The following CTNNA3 variants were observed in gnomAD, a reference collection of about 807,000 sequenced individuals.
CTNNA3 encodes the protein catenin alpha 3.
CTNNA3 carries 76 observed loss-of-function variants against 95.7 expected under a neutral mutation model. The observed-to-expected ratio is 0.79, with a 90% CI of 0.66 to 0.96. CTNNA3 has a LOEUF of 0.96. Ranked by LOEUF, CTNNA3 falls within the 40% of genes least tolerant of loss-of-function variation. The pLI, the probability that CTNNA3 is intolerant of heterozygous loss-of-function variation, is 0.00. For missense variants in CTNNA3, 1,191 were observed against 1,089.8 expected, an observed-to-expected ratio of 1.09 and a Z score of -1.31; for synonymous variants, 431 against 374.4, an observed-to-expected ratio of 1.15 and a Z score of -1.74.
chr10:67,735,142 CACAA>C (rs745809812), intron 1 of CTNNA3, among the ~76,000 whole-genome samples: 7,454 of 91,536 alleles, frequency 0.081, 349 homozygotes, highest in African/African-American at 0.23. Flanking sequence ...CACACACACA[CACAA>C]ACACACACAC....
chr10:67,695,472 T>G (rs1199948069), intron 1 of CTNNA3, among the ~76,000 whole-genome samples: 1 of 152,218 alleles, frequency 6.6e-6, no homozygotes, highest in Non-Finnish European at 1.5e-5. Context: ...ATCAAACAGT[T>G]CTGAGAGCAT....
At chr10:66,192,231 G>C (rs7070264) in intron 13 of CTNNA3, among the ~76,000 whole-genome samples, 21,426 of 151,842 alleles carry the variant, frequency 0.14, 2,474 homozygotes, top group African/African-American at 0.32. Flanking sequence ...ACACTCCCCC[G>C]CCAGCAGAAC....
intron 2 of CTNNA3, among the ~76,000 whole-genome samples, chr10:67,642,614 A>G (rs73270136): frequency 0.13 from 20,160 of 151,954 alleles, 2,400 homozygotes; most frequent in African/African-American, 0.32. Flanking sequence ...GCTACCAGGA[A>G]GCTGATGCAG....
chr10:67,108,902 C>A (rs2131964641), intron 7 of CTNNA3, among the ~76,000 whole-genome samples: 1 of 152,052 alleles, frequency 6.6e-6, no homozygotes, highest in South Asian at 2.1e-4. Context: ...CAAATTAATC[C>A]TCAAATGAAA....
chr10:67,364,319 T>C (rs908963824), intron 5 of CTNNA3, among the ~76,000 whole-genome samples: 84 of 152,124 alleles, frequency 5.5e-4, no homozygotes, highest in Non-Finnish European at 7.1e-4. Flanking sequence ...ATTGATGGAA[T>C]GTATCTCATA....
At chr10:67,381,727 T>C (rs1843953957) in intron 5 of CTNNA3, among the ~76,000 whole-genome samples, 1 of 152,212 alleles carries the variant, frequency 6.6e-6, no homozygotes, top group African/African-American at 2.4e-5. Flanking sequence ...ATACTCCATT[T>C]CTATATAGGC....
chr10:67,010,747 T>C (rs955057849), intron 7 of CTNNA3, among the ~76,000 whole-genome samples: 1 of 152,182 alleles, frequency 6.6e-6, no homozygotes, highest in African/African-American at 2.4e-5. Context: ...ACCAACAATG[T>C]TTGCCATACC....
At chr10:66,709,419 G>A (rs1564632179) in intron 9 of CTNNA3, among the ~76,000 whole-genome samples, 1 of 152,030 alleles carries the variant, frequency 6.6e-6, no homozygotes, top group Non-Finnish European at 1.5e-5. Context: ...AATGTCAGAT[G>A]AAATGGAAGC....
At chr10:67,230,538 G>A (rs770293362) in intron 5 of CTNNA3, among the ~76,000 whole-genome samples, 9 of 151,978 alleles carry the variant, frequency 5.9e-5, no homozygotes, top group African/African-American at 2.4e-5. Context: ...TTCACAATCC[G>A]TAATCTGACA....
At chr10:66,601,582 T>C (rs1843924217) in intron 10 of CTNNA3, among the ~76,000 whole-genome samples, 1 of 151,918 alleles carries the variant, frequency 6.6e-6, no homozygotes. Flanking sequence ...TTCTGCACAC[T>C]GTCTGTTATA....
chr10:66,461,859 C>T (rs1017743385), intron 11 of CTNNA3, among the ~76,000 whole-genome samples: 2 of 148,488 alleles, frequency 1.3e-5, no homozygotes, highest in Non-Finnish European at 3.0e-5. Flanking sequence ...GTCACCCAGG[C>T]TGGAGTACAG....
chr10:66,269,776 A>G (rs529183699), intron 13 of CTNNA3, among the ~76,000 whole-genome samples: 1 of 152,248 alleles, frequency 6.6e-6, no homozygotes, highest in East Asian at 1.9e-4. Flanking sequence ...TAATACATAC[A>G]CTAAGAAAGT....
intron 13 of CTNNA3, among the ~76,000 whole-genome samples, chr10:66,247,417 G>A (rs74826172): frequency 0.012 from 1,777 of 152,186 alleles, 43 homozygotes; most frequent in African/African-American, 0.04. Context: ...CTTTCTATAG[G>A]ATTAGAAAGT....
chr10:66,626,018 A>T (rs1173317668), intron 9 of CTNNA3, among the ~76,000 whole-genome samples: 2 of 152,160 alleles, frequency 1.3e-5, no homozygotes, highest in African/African-American at 4.8e-5. Context: ...GATCTACCAT[A>T]CTATAGGTTA....
chr10:66,278,926 A>C (rs962065717), intron 13 of CTNNA3, among the ~76,000 whole-genome samples: 1 of 152,026 alleles, frequency 6.6e-6, no homozygotes, highest in African/African-American at 2.4e-5. Context: ...AAGGCCTAAA[A>C]ATTTTGCAAC....
chr10:67,558,151 C>CT (rs1356340069), intron 3 of CTNNA3, among the ~76,000 whole-genome samples: 1 of 152,116 alleles, frequency 6.6e-6, no homozygotes, highest in Non-Finnish European at 1.5e-5. Context: ...AGGTATGCAT[C>CT]TTTTTTGCAG....
At chr10:66,731,158 C>A (rs911098253) in intron 9 of CTNNA3, among the ~76,000 whole-genome samples, 1 of 152,186 alleles carries the variant, frequency 6.6e-6, no homozygotes, top group African/African-American at 2.4e-5. Context: ...ATATTTGATT[C>A]CTAATTGTAC....
intron 9 of CTNNA3, among the ~76,000 whole-genome samples, chr10:66,683,709 C>T (rs749470249): frequency 1.8e-4 from 27 of 152,212 alleles, no homozygotes; most frequent in Middle Eastern, 6.8e-3. Context: ...CTTTCAAGTA[C>T]GACTCATTCA....
In CTNNA3 at chr10:66,576,115, C is replaced by T. The variant is rs191929505; in HGVS notation, c.1374+45577G>A. Among the ~76,000 whole-genome samples the T allele has an allele frequency of 1.3e-3, 197 of 152,134 alleles. 1 individual carries two copies. Among genetic ancestry groups the T allele is most frequent in the Non-Finnish European group, 2.3e-3 (158 of 67,986 alleles). ...TTGATGAGAGAAGTCACTCCCACTTCGCCCACAGATGGTGGCATTAATAAA... is the reference window on the plus strand; with the variant it reads ...TTGATGAGAGAAGTCACTCCCACTTTGCCCACAGATGGTGGCATTAATAAA... On this transcript the variant is annotated intron_variant, in intron 10 of 17. Transcript: ENST00000433211.
Sources: allele counts gnomAD v4.1 joint callset (sites outside exome capture counted in the v4.1 genomes callset), GRCh38; gene constraint gnomAD v4.1.1; transcripts MANE v1.5; gene names NCBI Gene and HGNC (gene_info 2026-07-23, HGNC 2026-07-21).